The following TTC19 variants were observed in gnomAD, a reference collection of about 807,000 sequenced individuals.
The protein encoded by TTC19 is tetratricopeptide repeat protein 19, mitochondrial.
A neutral mutation model predicts 49.5 loss-of-function variants in TTC19; 38 were observed. The observed-to-expected ratio is 0.77, with a 90% CI of 0.59 to 1.01. The LOEUF (loss-of-function observed/expected upper bound fraction) is 1.01, where lower values mean the gene tolerates loss of function less well. TTC19 is among the 50% of genes least tolerant of loss of function. The pLI, the probability that TTC19 is intolerant of heterozygous loss-of-function variation, is 0.00. For synonymous variants in TTC19, 204 were observed against 185.2 expected (o/e 1.10, Z -0.83); for missense variants, 475 against 477.7 (o/e 0.99, Z 0.05).
Position 15,999,957 on chromosome 17 carries a change from G to T in TTC19, c.109G>T (p.Gly37Trp), listed in dbSNP as rs1462476909. 10 of 1,319,852 alleles carry T rather than the reference G, an allele frequency of 7.6e-6. 1 individual carries two copies. The highest frequency in any genetic ancestry group is 9.6e-6 in the Non-Finnish European group (10 of 1,040,488). 81.8% of individuals were successfully genotyped at this position (1,319,852 alleles called of 1,614,324 possible). The change falls in exon 1 of 10, where the codon GGG becomes TGG. Residue 37 changes from glycine (G) to tryptophan (W), a missense_variant. By Grantham distance (184) the Gly-to-Trp change is radical. Transcript: ENST00000261647. ...GCTCCCGGGGCTGGCAGGAGGTCCG[G>T]GGCCCGAGGTGCAGGTGCCGCCATC... is the stretch of plus-strand genomic sequence containing the variant. Reference protein sequence around the residue: ...RLLPGLAGGPGPEVQVPPSRV... With the variant: ...RLLPGLAGGPWPEVQVPPSRV...
intron 2 of TTC19, chr17:16,000,463 G>C: frequency 7.4e-7 from 1 of 1,343,872 alleles, no homozygotes; most frequent in African/African-American, 1.5e-5. Flanking sequence ...GCAGTGTCAA[G>C]TGCAAATGGA....
In TTC19 at chr17:16,028,700, A is replaced by T. The variant is rs1454202544; in HGVS notation, c.*1178A>T. Reference sequence around the variant, plus strand: ...CTGTTGGTATGCCTGTGGGGGTGGGATGTGAGTGGGACTGATAAACTGATA... The same window carrying T: ...CTGTTGGTATGCCTGTGGGGGTGGGTTGTGAGTGGGACTGATAAACTGATA... On this transcript the variant is annotated 3_prime_UTR_variant, in exon 10 of 10. Coordinates refer to ENST00000261647, the MANE Select transcript of TTC19 (RefSeq NM_017775.4). 2.2e-6 allele frequency: 1 copy of T among 453,470 alleles called. No homozygotes were observed. The highest frequency in any genetic ancestry group is 2.0e-5 in the African/African-American group (1 of 49,822). 28.1% of individuals were successfully genotyped at this position (453,470 alleles called of 1,614,324 possible).
chr17:16,021,940 A>C (rs898341303), intron 7 of TTC19, among the ~76,000 whole-genome samples: 1 of 152,152 alleles, frequency 6.6e-6, no homozygotes. Context: ...TTAGACATCA[A>C]ATTTACAGGG....
intron 7 of TTC19, among the ~76,000 whole-genome samples, chr17:16,010,577 C>T (rs954551066): frequency 4.0e-5 from 6 of 151,816 alleles, no homozygotes; most frequent in Non-Finnish European, 7.4e-5. Flanking sequence ...CCGGTTCAAG[C>T]GATTCTCCTG....
rs1304250705 is a variant in TTC19 at position 16,024,911 on chromosome 17, C to T, written c.677-106C>T. 3.5e-5 allele frequency: 36 copies of T among 1,018,756 alleles called. No individual in the cohort carries two copies. The East Asian group carries it at 8.1e-4, about 23-fold the overall frequency. 63.1% of individuals were successfully genotyped at this position (1,018,756 alleles called of 1,614,324 possible). A position where few individuals can be genotyped will look rare whatever the true frequency, so the allele number is the denominator to read the frequency against. The stretch of plus-strand genomic sequence containing the variant: ...GGTCATTTAACTGGATGTTAATTCA[C>T]CTACATTGTTCCCTAAGTGACATGT... On this transcript the variant is annotated intron_variant, in intron 7 of 9. Transcript: ENST00000261647.
downstream of TTC19, chr17:16,030,743 T>A (rs1971841523): frequency 5.6e-6 from 1 of 179,564 alleles, no homozygotes; most frequent in East Asian, 9.2e-5. Flanking sequence ...TCTCTGTCAC[T>A]AATTTAACTA....
Position 16,029,062 on chromosome 17 carries a change from C to A in TTC19, c.*1540C>A. On this transcript the variant is annotated 3_prime_UTR_variant, in exon 10 of 10. Coordinates refer to ENST00000261647, the MANE Select transcript of TTC19 (RefSeq NM_017775.4). ...CTGTTTCAGTAGAAACCAGTATTAA[C>A]GTATGGTGATTTCTTAAAAAAATTA... The A allele has an allele frequency of 2.2e-6, 1 of 452,686 alleles. No homozygotes were observed. Among genetic ancestry groups the A allele is most frequent in the Non-Finnish European group, 4.4e-6 (1 of 226,440 alleles). 28.0% of individuals were successfully genotyped at this position (452,686 alleles called of 1,614,324 possible).
chr17:16,020,372 T>C (rs1971337732), intron 7 of TTC19, among the ~76,000 whole-genome samples: 1 of 152,234 alleles, frequency 6.6e-6, no homozygotes, highest in African/African-American at 2.4e-5. Flanking sequence ...GTCTTTTTCT[T>C]AACGATTCGT....
At position 16,028,679 on chromosome 17, in the gene TTC19, T is replaced by G; in HGVS notation, c.*1157T>G. 2.2e-6 allele frequency: 1 copy of G among 453,806 alleles called. No homozygotes were observed. The highest frequency in any genetic ancestry group is 4.4e-6 in the Non-Finnish European group (1 of 226,722). The allele number at this position is 453,806 out of a possible 1,614,324, so 28.1% of individuals were successfully genotyped here. The stretch of plus-strand genomic sequence containing the variant: ...TACCATGAAGGAAGATTGACCCTGT[T>G]GGTATGCCTGTGGGGGTGGGATGTG... On this transcript the variant is annotated 3_prime_UTR_variant, in exon 10 of 10. Transcript: ENST00000261647.
intron 7 of TTC19, among the ~76,000 whole-genome samples, chr17:16,014,923 TTATTAC>T (rs1415896315): frequency 1.3e-5 from 2 of 152,182 alleles, no homozygotes; most frequent in African/African-American, 2.4e-5. Flanking sequence ...ATGAATAGAT[TTATTAC>T]TATTATATAT....
At chr17:16,037,499 T>G (rs910139483) in intron 2 of TTC19, among the ~76,000 whole-genome samples, 1 of 151,950 alleles carries the variant, frequency 6.6e-6, no homozygotes, top group African/African-American at 2.4e-5. Context: ...AAAAACAAGG[T>G]TCGTCCTCCT....
At chr17:16,036,046 A>C (rs1207117756) in intron 2 of TTC19, among the ~76,000 whole-genome samples, 1 of 152,230 alleles carries the variant, frequency 6.6e-6, no homozygotes, top group African/African-American at 2.4e-5. Flanking sequence ...TACTTTGCTC[A>C]GATCCGTCAG....
chr17:16,006,561 T>G lies in TTC19; in HGVS notation c.669T>G (p.Ile223Met), dbSNP rs1211206111. 1 of 1,603,726 alleles carries G rather than the reference T, an allele frequency of 6.2e-7. No homozygotes were observed. The highest frequency in any genetic ancestry group is 8.5e-7 in the Non-Finnish European group (1 of 1,170,644). ...GAGAAAAGGAATTAGCAGAAGACAT[T>G]ATGTCAGGTAGGAAACCCATTATCT... ...IEREKELAED[I>M]MSVEEKANTH... The change falls in exon 7 of 10, where the codon ATT becomes ATG. Residue 223 changes from isoleucine to methionine, a missense_variant. By Grantham distance (10) the Ile-to-Met change is conservative (BLOSUM62 1). Coordinates refer to ENST00000261647, the MANE Select transcript of TTC19 (RefSeq NM_017775.4).
In TTC19 at chr17:16,027,411, A is replaced by C; in HGVS notation, c.1032A>C (p.Ala344=). 6.2e-7 allele frequency: 1 copy of C among 1,614,158 alleles called. No individual in the cohort carries two copies. Among genetic ancestry groups the C allele is most frequent in the East Asian group, 2.2e-5 (1 of 44,886 alleles). Residue 344 remains alanine, a synonymous_variant, in exon 10 of 10, where the codon GCA becomes GCC. Transcript: ENST00000261647. ...AAGCAAAAGAGATCTACCAGGAAGC[A>C]CTGAAGCAAGCAAAGCTGAAAAAAG... ...YTQAKEIYQE[A]LKQAKLKKDE... is the part of the protein sequence containing the mutation.
chr17:16,018,017 AAAATG>A (rs1159687124), intron 7 of TTC19, among the ~76,000 whole-genome samples: 8 of 152,248 alleles, frequency 5.3e-5, no homozygotes, highest in Non-Finnish European at 1.2e-4. Flanking sequence ...TTTCTTCTCT[AAAATG>A]AGATGAGTAC....
At chr17:16,009,808 A>C (rs1971014478) in intron 7 of TTC19, among the ~76,000 whole-genome samples, 1 of 152,170 alleles carries the variant, frequency 6.6e-6, no homozygotes, top group Non-Finnish European at 1.5e-5. Context: ...CCTATGTTGT[A>C]GACATATATG....
At chr17:16,036,158 T>C (rs1437084365) in intron 2 of TTC19, among the ~76,000 whole-genome samples, 2 of 150,726 alleles carry the variant, frequency 1.3e-5, no homozygotes, top group African/African-American at 2.5e-5. Context: ...AGAATGGATG[T>C]TGTGTTAGCA....
chr17:16,044,726 G>T, exon 3 of TTC19: 1 of 738,142 alleles, frequency 1.4e-6, no homozygotes. Flanking sequence ...TAAAGCAGCT[G>T]GTGTAAATGT....
rs2151654999 is a variant in TTC19, at chr17:16,008,286, A to C, written c.676+1718A>C. On this transcript the variant is annotated intron_variant, in intron 7 of 9. Transcript: ENST00000261647. ...AAGTCTAATGGTCATCTCATACTTA[A>C]CATGTCCAAAATAGGTCTCAGTTTT... 2.0e-5 allele frequency among the ~76,000 whole-genome samples: 3 copies of C among 152,298 alleles called. No homozygotes were observed. In the South Asian group the frequency reaches 6.2e-4, roughly 32 times the overall value.
Sources: gnomAD v4.1 joint callset for allele counts (sites outside exome capture counted in the v4.1 genomes callset) on GRCh38, gnomAD v4.1.1 for gene constraint, MANE v1.5 for transcripts, NCBI Gene and HGNC (gene_info 2026-07-23, HGNC 2026-07-21) for gene names.